Variants in GRM7 observed in about 807,000 individuals in gnomAD.
The protein encoded by GRM7 is metabotropic glutamate receptor 7.
A neutral mutation model predicts 84.5 loss-of-function variants in GRM7; 35 were observed. The observed-to-expected ratio is 0.41, with a 90% CI of 0.32 to 0.55. The LOEUF (loss-of-function observed/expected upper bound fraction) is 0.55. Ranked by LOEUF, GRM7 falls within the 20% of genes least tolerant of loss-of-function variation. The pLI, the probability that GRM7 is intolerant of heterozygous loss-of-function variation, is 0.19. For synonymous variants in GRM7, 487 were observed against 455.1 expected, an observed-to-expected ratio of 1.07 and a Z score of -0.89; for missense variants, 1,003 against 1,194.6, an observed-to-expected ratio of 0.84 and a Z score of 2.36.
intron 4 of GRM7, among the ~76,000 whole-genome samples, chr3:7,373,816 A>T (rs140398277): frequency 6.6e-6 from 1 of 152,218 alleles, no homozygotes; most frequent in Admixed American, 6.5e-5. Flanking sequence ...TGAATAGTCA[A>T]TATCTGTGCT....
At chr3:7,354,871 C>T (rs1305731401) in intron 4 of GRM7, among the ~76,000 whole-genome samples, 9 of 152,306 alleles carry the variant, frequency 5.9e-5, no homozygotes, top group Non-Finnish European at 1.0e-4. Context: ...TTGCTTTAAA[C>T]TGGCAAGGCC....
intron 1 of GRM7, among the ~76,000 whole-genome samples, chr3:7,100,014 A>G (rs542996925): frequency 6.7e-6 from 1 of 148,702 alleles, no homozygotes; most frequent in East Asian, 2.0e-4. Context: ...ATGTACATAT[A>G]TGTAATATAC....
chr3:6,972,062 C>G (rs1042702381), intron 1 of GRM7, among the ~76,000 whole-genome samples: 1 of 152,044 alleles, frequency 6.6e-6, no homozygotes, highest in African/African-American at 2.4e-5. Flanking sequence ...TTATTATTTT[C>G]TCTGTTTTGC....
intron 8 of GRM7, chr3:7,591,357 GA>G (rs143732933): frequency 0.022 from 6,000 of 278,940 alleles, 214 homozygotes; most frequent in East Asian, 0.093. Flanking sequence ...CAGTAAAGAT[GA>G]AAAAAATACA....
intron 2 of GRM7, among the ~76,000 whole-genome samples, chr3:7,283,881 T>A (rs1163024947): frequency 2.0e-5 from 3 of 152,202 alleles, no homozygotes; most frequent in Non-Finnish European, 4.4e-5. Context: ...TATTTTAAAA[T>A]TCTAATAAAT....
At chr3:7,028,936 T>A (rs1199003558) in intron 1 of GRM7, among the ~76,000 whole-genome samples, 1 of 152,206 alleles carries the variant, frequency 6.6e-6, no homozygotes, top group Non-Finnish European at 1.5e-5. Flanking sequence ...TGTGCACTGC[T>A]GTTGGGAATG....
At chr3:7,136,676 G>C (rs932625395) in intron 1 of GRM7, among the ~76,000 whole-genome samples, 1 of 152,082 alleles carries the variant, frequency 6.6e-6, no homozygotes, top group African/African-American at 2.4e-5. Flanking sequence ...TGTGGATGAG[G>C]AGCAGGTCAA....
At chr3:6,876,688 G>A (rs1184207689) in intron 1 of GRM7, among the ~76,000 whole-genome samples, 1 of 140,798 alleles carries the variant, frequency 7.1e-6, no homozygotes, top group African/African-American at 2.7e-5. Context: ...TGCAACCTCC[G>A]CCTCCTGGGT....
intron 7 of GRM7, chr3:7,561,652 A>C: frequency 2.2e-6 from 1 of 446,360 alleles, no homozygotes; most frequent in South Asian, 1.6e-5. Flanking sequence ...GATAATGTGA[A>C]TCAGATAAGC....
chr3:7,489,295 G>A (rs1032922838), intron 7 of GRM7, among the ~76,000 whole-genome samples: 15 of 151,684 alleles, frequency 9.9e-5, no homozygotes, highest in East Asian at 1.9e-4. Context: ...TTCTCCTTCC[G>A]TTTCCTCCCC....
rs1011830552 is a variant in GRM7 at position 6,863,653 on chromosome 3, T to A, written c.519+1746T>A. 6.6e-6 allele frequency among the ~76,000 whole-genome samples: 1 copy of A among 152,138 alleles called. No individual in the cohort carries two copies. Among genetic ancestry groups the A allele is most frequent in the Non-Finnish European group, 1.5e-5 (1 of 68,022 alleles). ...GAAACCCAGAGCCCTTCCTTCATCTTTGAGCTTAAAGCTAGACAAGTTGAG... is the reference window on the plus strand; with the variant it reads ...GAAACCCAGAGCCCTTCCTTCATCTATGAGCTTAAAGCTAGACAAGTTGAG... On this transcript the variant is annotated intron_variant, in intron 1 of 9. Transcript: ENST00000357716. This position sits in a 1 kb window ranked among gnomAD's most constrained non-coding sequence, Gnocchi z 4.8.
intron 1 of GRM7, among the ~76,000 whole-genome samples, chr3:7,123,266 G>A (rs1693284619): frequency 6.6e-6 from 1 of 152,222 alleles, no homozygotes; most frequent in Non-Finnish European, 1.5e-5. Flanking sequence ...GGAGGTCAGA[G>A]TACCAGAATG....
chr3:7,327,075 T>G (rs1223316629), intron 4 of GRM7, among the ~76,000 whole-genome samples: 1 of 152,222 alleles, frequency 6.6e-6, no homozygotes, highest in Non-Finnish European at 1.5e-5. Context: ...TCGAAGAAAC[T>G]ATTGAAGATG....
intron 1 of GRM7, among the ~76,000 whole-genome samples, chr3:6,896,561 T>C (rs1261347945): frequency 6.6e-6 from 1 of 152,174 alleles, no homozygotes; most frequent in Non-Finnish European, 1.5e-5. Context: ...ACCTGCATCA[T>C]CAGTGTGGCC....
intron 2 of GRM7, among the ~76,000 whole-genome samples, chr3:7,222,293 G>C (rs997982257): frequency 1.3e-5 from 2 of 152,012 alleles, no homozygotes; most frequent in African/African-American, 4.8e-5. Context: ...CCTAGATTAA[G>C]GTAGTGCTGT....
chr3:7,674,880 T>C (rs1700065687), intron 8 of GRM7, among the ~76,000 whole-genome samples: 1 of 152,174 alleles, frequency 6.6e-6, no homozygotes, highest in Non-Finnish European at 1.5e-5. Context: ...AACTAAAAAA[T>C]AGGTAAACCC....
At chr3:7,162,819 G>A (rs1053618834) in intron 2 of GRM7, among the ~76,000 whole-genome samples, 1 of 126,956 alleles carries the variant, frequency 7.9e-6, no homozygotes, top group Non-Finnish European at 1.6e-5. Context: ...GAGTGCAGTG[G>A]TGTGATCTCA....
In GRM7 at chr3:7,509,236, G is replaced by A. The variant is rs149881232; in HGVS notation, c.1515+47514G>A. Among the ~76,000 whole-genome samples the A allele has an allele frequency of 3.1e-3, 476 of 152,248 alleles. 2 individuals carry two copies. Among genetic ancestry groups the A allele is most frequent in the African/African-American group, 0.011 (449 of 41,558 alleles). ...TTTGAGAGAGAGAGAGAACAAAAGA[G>A]AGACCACATTTATGTAACTTTTGTT... On this transcript the variant is annotated intron_variant, in intron 7 of 9. Coordinates refer to ENST00000357716, the MANE Select transcript of GRM7 (RefSeq NM_000844.4).
At chr3:7,123,490 G>A (rs9815374) in intron 1 of GRM7, among the ~76,000 whole-genome samples, 31,394 of 151,938 alleles carry the variant, frequency 0.21, 3,355 homozygotes, top group Middle Eastern at 0.31. Flanking sequence ...GTGGTGGCTC[G>A]CGCTTGTAAT....
Sources: allele counts gnomAD v4.1 joint callset (sites outside exome capture counted in the v4.1 genomes callset), GRCh38; gene constraint gnomAD v4.1.1; non-coding constraint Gnocchi (gnomAD v3.1); transcripts MANE v1.5; gene names NCBI Gene and HGNC (gene_info 2026-07-23, HGNC 2026-07-21).